RNF150: variants seen among roughly 807,000 people sequenced by gnomAD.
RNF150 encodes the protein ring finger protein 150.
Under a neutral mutation model 39.3 loss-of-function variants are expected in RNF150, and 24 were observed. The ratio of observed to expected loss-of-function variants is 0.61; its 90% CI spans 0.44 to 0.86. The LOEUF (loss-of-function observed/expected upper bound fraction) is 0.86, where lower values mean the gene tolerates loss of function less well. Ranked by LOEUF, RNF150 falls within the 40% of genes least tolerant of loss-of-function variation. The pLI is 0.00. For synonymous variants in RNF150, 255 were observed against 227.3 expected (o/e 1.12, Z -1.10); for missense variants, 502 against 587.8 (o/e 0.85, Z 1.51).
intron 1 of RNF150, among the ~76,000 whole-genome samples, chr4:141,069,993 T>A (rs1199500589): frequency 1.3e-5 from 2 of 152,168 alleles, no homozygotes; most frequent in East Asian, 3.8e-4. Flanking sequence ...ATTTTGTTGA[T>A]CCTTTCAAAA....
At chr4:141,088,048 C>G (rs62324865) in intron 1 of RNF150, among the ~76,000 whole-genome samples, 19,143 of 152,124 alleles carry the variant, frequency 0.13, 1,329 homozygotes, top group East Asian at 0.24. Flanking sequence ...ATCTTTGTCA[C>G]TTACTAGATG....
At position 141,145,583 on chromosome 4, in the gene RNF150, A is replaced by T. The variant is rs546362107; in HGVS notation, c.-6+67211T>A. On this transcript the variant is annotated intron_variant, in intron 1 of 7. Transcript: ENST00000420921. ...ATAGCTGACCATTTAGCATGGAATAAGTTCTGTAGGCTCACCAATGATTTA... is the reference window on the plus strand; with the variant it reads ...ATAGCTGACCATTTAGCATGGAATATGTTCTGTAGGCTCACCAATGATTTA... 4.6e-5 allele frequency among the ~76,000 whole-genome samples: 7 copies of T among 152,322 alleles called. No homozygotes were observed. The South Asian group carries it at 1.0e-3, about 23-fold the overall frequency.
rs115787275 is a variant in RNF150 at position 141,167,230 on chromosome 4, A to G, written c.-6+45564T>C. 4.8e-3 allele frequency among the ~76,000 whole-genome samples: 736 copies of G among 152,198 alleles called. 2 individuals carry two copies. The highest frequency in any genetic ancestry group is 8.4e-3 in the Non-Finnish European group (574 of 67,994). On this transcript the variant is annotated intron_variant, in intron 1 of 7. Coordinates refer to the RNF150 transcript ENST00000420921. The stretch of plus-strand genomic sequence containing the variant: ...GAGAATAAAATACCTAGGAAATACA[A>G]CTTACAAGGGATGTGAAAGACCTCT...
rs397995597 is a variant in RNF150 at position 141,012,781 on chromosome 4, CAAAAAAAA to C, written c.485-44916_485-44909del. On this transcript the variant is annotated intron_variant, in intron 1 of 6. Transcript: ENST00000515673. ...CTGGTGACAGAGTAAGACTCTGTCTCAAAAAAAAAAAAAAAAAAAAAGGCATCCCCTAC... is the reference window on the plus strand; with the variant it reads ...CTGGTGACAGAGTAAGACTCTGTCTCAAAAAAAAAAAAAGGCATCCCCTAC... 7.0e-5 allele frequency among the ~76,000 whole-genome samples: 5 copies of C among 71,432 alleles called. No individual in the cohort carries two copies. In the South Asian group the frequency reaches 2.2e-3, roughly 31 times the overall value. The allele number at this position is 71,432 out of a possible 152,430, so 46.9% of individuals were successfully genotyped here.
chr4:140,927,620 G>A (rs905370641), intron 4 of RNF150, among the ~76,000 whole-genome samples: 1 of 151,136 alleles, frequency 6.6e-6, no homozygotes, highest in Non-Finnish European at 1.5e-5. Context: ...ATGGAACTGT[G>A]AGCCAATTAA....
At chr4:140,960,622 A>G (rs1373738980) in intron 2 of RNF150, among the ~76,000 whole-genome samples, 1 of 152,148 alleles carries the variant, frequency 6.6e-6, no homozygotes, top group African/African-American at 2.4e-5. Flanking sequence ...ACAATGGCCA[A>G]TAATTTAATC....
Position 140,868,229 on chromosome 4 carries a change from C to T in RNF150, c.*32G>A. 3.2e-6 allele frequency: 4 copies of T among 1,234,994 alleles called. No homozygotes were observed. The highest frequency in any genetic ancestry group is 4.8e-6 in the Non-Finnish European group (4 of 834,564). 76.5% of individuals were successfully genotyped at this position (1,234,994 alleles called of 1,614,324 possible). A position where few individuals can be genotyped will look rare whatever the true frequency, so the allele number is the denominator to read the frequency against. ...ACTCTTCCCTTCCTTTCCCTTGGGT[C>T]CTACTATCTCTTTGCTTCTGGATTT... On this transcript the variant is annotated 3_prime_UTR_variant, in exon 7 of 7. Transcript: ENST00000515673.
At chr4:141,204,489 A>G (rs1335559016) in intron 1 of RNF150, among the ~76,000 whole-genome samples, 1 of 152,210 alleles carries the variant, frequency 6.6e-6, no homozygotes, top group Non-Finnish European at 1.5e-5. Context: ...TACTTATTAT[A>G]TAGTAGACAC....
intron 1 of RNF150, among the ~76,000 whole-genome samples, chr4:141,017,680 C>A (rs1284883109): frequency 6.6e-6 from 1 of 152,186 alleles, no homozygotes; most frequent in Non-Finnish European, 1.5e-5. Flanking sequence ...ACACTTGCAA[C>A]CACTGATCTT....
At chr4:140,877,224 C>T (rs1729190293) in intron 6 of RNF150, among the ~76,000 whole-genome samples, 1 of 152,124 alleles carries the variant, frequency 6.6e-6, no homozygotes, top group Non-Finnish European at 1.5e-5. Flanking sequence ...TGCTAAGTGC[C>T]AAAAGAAGAG....
intron 6 of RNF150, among the ~76,000 whole-genome samples, chr4:140,910,359 G>GATT (rs1202497627): frequency 2.0e-5 from 3 of 152,090 alleles, no homozygotes. Context: ...ATTTGCATCT[G>GATT]ATTTTCTTAG....
intron 1 of RNF150, among the ~76,000 whole-genome samples, chr4:140,970,175 C>T (rs767487569): frequency 2.0e-5 from 3 of 152,152 alleles, no homozygotes; most frequent in Non-Finnish European, 4.4e-5. Context: ...TAGAAATACT[C>T]ATCTAAAATA....
intron 1 of RNF150, among the ~76,000 whole-genome samples, chr4:141,001,520 T>G (rs116286043): frequency 0.075 from 11,379 of 152,150 alleles, 474 homozygotes; most frequent in Middle Eastern, 0.16. Context: ...AGGTGGTCTT[T>G]GGGATCTTCT....
At chr4:140,887,807 CT>C (rs1729632797) in intron 6 of RNF150, among the ~76,000 whole-genome samples, 1 of 152,172 alleles carries the variant, frequency 6.6e-6, no homozygotes, top group African/African-American at 2.4e-5. Flanking sequence ...TAGAAACATA[CT>C]CTCTTACACC....
chr4:140,899,484 T>C (rs1730088960), intron 6 of RNF150, among the ~76,000 whole-genome samples: 1 of 152,212 alleles, frequency 6.6e-6, no homozygotes, highest in African/African-American at 2.4e-5. Flanking sequence ...CATCTAATTC[T>C]ACATCTAACT....
intron 5 of RNF150, among the ~76,000 whole-genome samples, chr4:140,915,608 G>C (rs796995999): frequency 6.6e-6 from 1 of 152,240 alleles, no homozygotes; most frequent in African/African-American, 2.4e-5. Context: ...GGGCAAGCTT[G>C]GATGTGTATC....
chr4:140,978,582 A>G (rs917615736), intron 1 of RNF150, among the ~76,000 whole-genome samples: 1 of 152,134 alleles, frequency 6.6e-6, no homozygotes, highest in Non-Finnish European at 1.5e-5. Flanking sequence ...GAATTATTGA[A>G]GGTTGACTTA....
chr4:140,868,276 T>C lies in RNF150; in HGVS notation c.1302A>G (p.Glu434=), dbSNP rs752816896. The change falls in exon 7 of 7, where the codon GAA becomes GAG. Residue 434 remains glutamate (E), a synonymous_variant. Transcript: ENST00000515673. ...ATTTGTCGTTTCAAGATTTCACTTC[T>C]TCACAGTCCTGGTCAGTGGAAAGTT... is the stretch of plus-strand genomic sequence containing the variant. The part of the protein sequence containing the change: ...DVELSTDQDC[E]EVKS 6.3e-7 allele frequency: 1 copy of C among 1,592,434 alleles called. No homozygotes were observed. Among genetic ancestry groups the C allele is most frequent in the Non-Finnish European group, 8.6e-7 (1 of 1,160,382 alleles).
chr4:141,005,628 G>A (rs1301021992), intron 1 of RNF150, among the ~76,000 whole-genome samples: 2 of 152,136 alleles, frequency 1.3e-5, no homozygotes, highest in Non-Finnish European at 2.9e-5. Flanking sequence ...CTGAATTGCA[G>A]ATAAAACCTA....
Sources: gnomAD v4.1 joint callset for allele counts (sites outside exome capture counted in the v4.1 genomes callset) on GRCh38, gnomAD v4.1.1 for gene constraint, MANE v1.5 for transcripts, NCBI Gene and HGNC (gene_info 2026-07-23, HGNC 2026-07-21) for gene names.